CSNK2A2IP: variants seen among roughly 807,000 people sequenced by gnomAD.
CSNK2A2IP encodes casein kinase 2 subunit alpha' interacting protein, also known as casein kinase II subunit alpha'-interacting protein.
the CSNK2A2IP span, among the ~76,000 whole-genome samples, chr3:88,385,264 A>G: frequency 6.6e-6 from 1 of 152,098 alleles, no homozygotes; most frequent in Non-Finnish European, 1.5e-5. Context: ...GGGCGTGTGT[A>G]GTGATATGGA....
the CSNK2A2IP span, among the ~76,000 whole-genome samples, chr3:88,344,069 T>C: frequency 1.3e-5 from 2 of 151,956 alleles, no homozygotes; most frequent in Non-Finnish European, 2.9e-5. Flanking sequence ...CTAAAAACTT[T>C]GTGGTAGAAT....
the CSNK2A2IP span, among the ~76,000 whole-genome samples, chr3:88,343,941 A>C: frequency 0.44 from 66,492 of 151,752 alleles, 15,819 homozygotes; most frequent in South Asian, 0.62. Flanking sequence ...AAATAGTTTT[A>C]CCTACTATTA....
At chr3:88,441,945 A>G in the CSNK2A2IP span, among the ~76,000 whole-genome samples, 1,736 of 152,306 alleles carry the variant, frequency 0.011, 14 homozygotes, top group Admixed American at 0.016. Flanking sequence ...ACTTAAAAAC[A>G]GAAGCGAAGT....
At chr3:88,442,092 G>A in the CSNK2A2IP span, among the ~76,000 whole-genome samples, 55,402 of 151,984 alleles carry the variant, frequency 0.36, 11,329 homozygotes, top group Non-Finnish European at 0.47. Context: ...TCTCATGTAC[G>A]TTTGTCATTC....
At chr3:88,428,422 T>A in the CSNK2A2IP span, among the ~76,000 whole-genome samples, 1 of 152,144 alleles carries the variant, frequency 6.6e-6, no homozygotes, top group Non-Finnish European at 1.5e-5. Flanking sequence ...TGTTTTAAAA[T>A]GTGAGGACAT....
At chr3:88,426,897 G>T in the CSNK2A2IP span, among the ~76,000 whole-genome samples, 3 of 151,560 alleles carry the variant, frequency 2.0e-5, no homozygotes, top group South Asian at 6.3e-4. Context: ...GATGGGGGGG[G>T]GCGGTGGGGT....
At chr3:88,341,268 G>A in the CSNK2A2IP span, among the ~76,000 whole-genome samples, 1 of 151,658 alleles carries the variant, frequency 6.6e-6, no homozygotes, top group Non-Finnish European at 1.5e-5. Context: ...ATCATAAAAT[G>A]TACAATAAAT....
the CSNK2A2IP span, among the ~76,000 whole-genome samples, chr3:88,396,643 G>A: frequency 2.0e-5 from 3 of 152,204 alleles, no homozygotes; most frequent in Admixed American, 2.0e-4. Flanking sequence ...AGGAGAGAGC[G>A]AGGAGAAGCG....
chr3:88,426,900 G>A, the CSNK2A2IP span, among the ~76,000 whole-genome samples: 48 of 149,070 alleles, frequency 3.2e-4, no homozygotes, highest in Non-Finnish European at 1.5e-4. Context: ...GGGGGGGGGC[G>A]GTGGGGTGTG....
chr3:88,459,396 A>G, the CSNK2A2IP span, among the ~76,000 whole-genome samples: 1 of 152,138 alleles, frequency 6.6e-6, no homozygotes, highest in Non-Finnish European at 1.5e-5. Flanking sequence ...TTACTCAGTA[A>G]GCAATGACTT....
At chr3:88,351,159 C>T in the CSNK2A2IP span, among the ~76,000 whole-genome samples, 3 of 152,068 alleles carry the variant, frequency 2.0e-5, no homozygotes, top group African/African-American at 7.2e-5. Flanking sequence ...TCACTTGCCT[C>T]ACTAAATGTA....
chr3:88,379,216 C>T, the CSNK2A2IP span, among the ~76,000 whole-genome samples: 1 of 151,950 alleles, frequency 6.6e-6, no homozygotes, highest in Admixed American at 6.6e-5. Context: ...TGGAAAGCTC[C>T]CCGTGTGGCA....
the CSNK2A2IP span, among the ~76,000 whole-genome samples, chr3:88,452,650 C>T: frequency 6.6e-6 from 1 of 152,034 alleles, no homozygotes; most frequent in South Asian, 2.1e-4. Context: ...TACTCAAATC[C>T]CTTATTTGGA....
At chr3:88,342,023 T>C in the CSNK2A2IP span, among the ~76,000 whole-genome samples, 1 of 152,044 alleles carries the variant, frequency 6.6e-6, no homozygotes. Flanking sequence ...TATATACTAG[T>C]ATAAATTTTT....
At chr3:88,362,809 A>G in the CSNK2A2IP span, among the ~76,000 whole-genome samples, 1 of 152,180 alleles carries the variant, frequency 6.6e-6, no homozygotes, top group Non-Finnish European at 1.5e-5. Context: ...GCTTTATTTT[A>G]ACGTGGCTGA....
At chr3:88,424,334 G>A in the CSNK2A2IP span, among the ~76,000 whole-genome samples, 1 of 152,062 alleles carries the variant, frequency 6.6e-6, no homozygotes, top group Non-Finnish European at 1.5e-5. Context: ...GCCTGTTATC[G>A]ATGAGCTTGA....
chr3:88,349,424 C>T, the CSNK2A2IP span, among the ~76,000 whole-genome samples: 2 of 152,180 alleles, frequency 1.3e-5, no homozygotes, highest in South Asian at 2.1e-4. Context: ...CTTAGAATAA[C>T]GGCTTCCAGT....
chr3:88,466,219 C>T, the CSNK2A2IP span: 1 of 1,231,674 alleles, frequency 8.1e-7, no homozygotes, highest in Non-Finnish European at 1.0e-6. Flanking sequence ...GAACTCTAAC[C>T]CCACTATTGG....
the CSNK2A2IP span, among the ~76,000 whole-genome samples, chr3:88,340,821 A>C: frequency 4.6e-5 from 7 of 151,952 alleles, no homozygotes; most frequent in Non-Finnish European, 2.9e-5. Flanking sequence ...ATAGTGTTCA[A>C]TGGTACATGA....
Sources: allele counts gnomAD v4.1 joint callset (sites outside exome capture counted in the v4.1 genomes callset), GRCh38; gene constraint gnomAD v4.1.1; transcripts MANE v1.5; gene names NCBI Gene and HGNC (gene_info 2026-07-23, HGNC 2026-07-21).